POLR3B: variants seen among roughly 807,000 people sequenced by gnomAD.
POLR3B encodes the protein DNA-directed RNA polymerase III subunit RPC2.
POLR3B carries 96 observed loss-of-function variants against 147.4 expected under a neutral mutation model. That is an observed-to-expected ratio of 0.65 (90% CI 0.55 to 0.77). POLR3B has a LOEUF of 0.77. Among genes scored for constraint, POLR3B ranks in the 30% least tolerant of loss-of-function variants. POLR3B has a pLI of 0.00. For synonymous variants in POLR3B, 461 were observed against 485.9 expected (o/e 0.95, Z 0.67); for missense variants, 1,036 against 1,413.5 (o/e 0.73, Z 4.28).
intron 10 of POLR3B, among the ~76,000 whole-genome samples, chr12:106,403,246 A>G (rs1159777525): frequency 6.6e-6 from 1 of 151,812 alleles, no homozygotes; most frequent in East Asian, 1.9e-4. Context: ...AATGCAAATC[A>G]AAACCACAAT....
chr12:106,451,645 A>G (rs12810363), intron 19 of POLR3B, among the ~76,000 whole-genome samples: 65,635 of 108,774 alleles, frequency 0.6, 19,658 homozygotes, highest in East Asian at 0.75. Flanking sequence ...GGGGGGGAGG[A>G]GAGGGGAGGG....
chr12:106,439,923 G>A (rs1454156767), intron 18 of POLR3B, among the ~76,000 whole-genome samples: 1 of 152,078 alleles, frequency 6.6e-6, no homozygotes, highest in Non-Finnish European at 1.5e-5. Flanking sequence ...GCCAAGTGTT[G>A]TGGTGTGCAC....
intron 26 of POLR3B, 31 bp downstream of exon 26, chr12:106,501,467 A>T: frequency 7.9e-7 from 1 of 1,262,370 alleles, no homozygotes; most frequent in Non-Finnish European, 1.2e-6. Flanking sequence ...AAAAGAATTG[A>T]TAATGCAGTC....
intron 9 of POLR3B, among the ~76,000 whole-genome samples, chr12:106,381,637 A>G (rs1348627399): frequency 6.6e-6 from 1 of 152,212 alleles, no homozygotes; most frequent in Non-Finnish European, 1.5e-5. Flanking sequence ...TTAAAGTCTT[A>G]AACCCCTCAA....
At chr12:106,388,805 T>G (rs941975218) in intron 9 of POLR3B, among the ~76,000 whole-genome samples, 2 of 152,234 alleles carry the variant, frequency 1.3e-5, no homozygotes, top group Admixed American at 6.5e-5. Context: ...ACAATATATT[T>G]CAACCTGTCA....
intron 19 of POLR3B, among the ~76,000 whole-genome samples, chr12:106,452,339 A>G (rs2037808134): frequency 6.6e-6 from 1 of 152,172 alleles, no homozygotes; most frequent in South Asian, 2.1e-4. Flanking sequence ...AGCACTAAAC[A>G]TTTGCTAAAC....
intron 11 of POLR3B, chr12:106,410,477 G>T (rs573863013): frequency 4.9e-5 from 13 of 262,636 alleles, no homozygotes; most frequent in African/African-American, 2.9e-4. Context: ...TCTGGAATTG[G>T]CTGGTATCAT....
intron 1 of POLR3B, 112 bp from the exon 2 acceptor site, chr12:106,363,758 A>T (rs902072617): frequency 1.5e-4 from 134 of 895,860 alleles, no homozygotes; most frequent in Non-Finnish European, 2.3e-4. Flanking sequence ...TTTAAAAATT[A>T]TTCTTTTTGT....
At chr12:106,503,002 T>C (rs1163642675) in intron 26 of POLR3B, among the ~76,000 whole-genome samples, 1 of 152,208 alleles carries the variant, frequency 6.6e-6, no homozygotes, top group Non-Finnish European at 1.5e-5. Flanking sequence ...GTTATCTTAG[T>C]TGGTTAAAAT....
At chr12:106,358,920 A>G (rs886424273) in intron 1 of POLR3B, among the ~76,000 whole-genome samples, 2 of 152,236 alleles carry the variant, frequency 1.3e-5, no homozygotes, top group African/African-American at 2.4e-5. Context: ...CAGTAAGTCT[A>G]TCGGATTATA....
At chr12:106,449,145 G>A (rs1207421541) in intron 19 of POLR3B, among the ~76,000 whole-genome samples, 2 of 152,112 alleles carry the variant, frequency 1.3e-5, no homozygotes, top group Admixed American at 6.5e-5. Flanking sequence ...GTCTAAACAC[G>A]AAATCCGTTT....
intron 23 of POLR3B, among the ~76,000 whole-genome samples, chr12:106,471,107 G>A (rs2038084831): frequency 6.6e-6 from 1 of 152,224 alleles, no homozygotes; most frequent in African/African-American, 2.4e-5. Context: ...TGCCGAGTTC[G>A]AGCTTCCCTG....
intron 25 of POLR3B, among the ~76,000 whole-genome samples, chr12:106,498,657 C>T (rs1212673596): frequency 6.6e-6 from 1 of 151,762 alleles, no homozygotes; most frequent in East Asian, 1.9e-4. Context: ...TCTCAGCTCA[C>T]TGCAACCTCT....
chr12:106,417,104 T>G (rs1378506088), intron 12 of POLR3B, among the ~76,000 whole-genome samples: 1 of 152,222 alleles, frequency 6.6e-6, no homozygotes, highest in Non-Finnish European at 1.5e-5. Flanking sequence ...TCCATGCTTC[T>G]TCCCCCTTTT....
chr12:106,401,662 A>T (rs2136926590), intron 10 of POLR3B, among the ~76,000 whole-genome samples: 1 of 152,302 alleles, frequency 6.6e-6, no homozygotes, highest in South Asian at 2.1e-4. Flanking sequence ...TTCAACATAC[A>T]CAAATCAATA....
chr12:106,487,489 A>G (rs1358023407), intron 23 of POLR3B, among the ~76,000 whole-genome samples: 1 of 152,216 alleles, frequency 6.6e-6, no homozygotes, highest in Non-Finnish European at 1.5e-5. Flanking sequence ...CATTTAGAGC[A>G]TTAAATGTAT....
At chr12:106,483,406 A>G (rs1213357584) in intron 23 of POLR3B, among the ~76,000 whole-genome samples, 1 of 152,198 alleles carries the variant, frequency 6.6e-6, no homozygotes, top group Non-Finnish European at 1.5e-5. Context: ...ACTTTAGGGG[A>G]TAGAAAGTAA....
intron 9 of POLR3B, among the ~76,000 whole-genome samples, chr12:106,390,142 C>T (rs557359673): frequency 8.0e-4 from 120 of 150,664 alleles, no homozygotes; most frequent in African/African-American, 2.7e-3. Flanking sequence ...CACTTGAATC[C>T]GGGAGGCAGA....
chr12:106,432,883 C>G (rs1219672173), intron 15 of POLR3B, among the ~76,000 whole-genome samples: 1 of 152,176 alleles, frequency 6.6e-6, no homozygotes, highest in Non-Finnish European at 1.5e-5. Flanking sequence ...TGTCAGCAGC[C>G]TGTGATAAGA....
Sources: gnomAD v4.1 joint callset for allele counts (sites outside exome capture counted in the v4.1 genomes callset) on GRCh38, gnomAD v4.1.1 for gene constraint, MANE v1.5 for transcripts, NCBI Gene and HGNC (gene_info 2026-07-23, HGNC 2026-07-21) for gene names.